UGGT2: variants seen among roughly 807,000 people sequenced by gnomAD.
UGGT2 encodes UDP-glucose:glycoprotein glucosyltransferase 2.
UGGT2 carries 180 observed loss-of-function variants against 192.1 expected under a neutral mutation model. The observed-to-expected ratio is 0.94, with a 90% CI of 0.83 to 1.06. The LOEUF (loss-of-function observed/expected upper bound fraction) is 1.06. UGGT2 is among the 50% of genes least tolerant of loss of function. The pLI is 0.00. For synonymous variants in UGGT2, 580 were observed against 591.0 expected (o/e 0.98, Z 0.27); for missense variants, 1,849 against 1,795.7 (o/e 1.03, Z -0.54).
chr13:95,879,275 A>ATATT (rs2047424991), intron 27 of UGGT2, among the ~76,000 whole-genome samples: 1 of 152,194 alleles, frequency 6.6e-6, no homozygotes, highest in Admixed American at 6.5e-5. Context: ...TTGTTCCTAT[A>ATATT]TATTTATATA....
rs189882040 is a variant in UGGT2 at position 95,880,957 on chromosome 13, A to C, written c.3229-3101T>G. ...TGGGAGGCCGAGGTGGGTGGATCAC[A>C]AGGTCAGGAGATCAAGACCATCCTG... is the stretch of plus-strand genomic sequence containing the variant. On this transcript the variant is annotated intron_variant, in intron 27 of 38. Transcript: ENST00000376747. Among the ~76,000 whole-genome samples the C allele has an allele frequency of 2.3e-3, 350 of 152,188 alleles. 4 individuals carry two copies. The highest frequency in any genetic ancestry group is 8.0e-3 in the African/African-American group (331 of 41,534).
chr13:95,893,688 T>C (rs2047867430), intron 24 of UGGT2, among the ~76,000 whole-genome samples: 1 of 152,186 alleles, frequency 6.6e-6, no homozygotes, highest in Admixed American at 6.5e-5. Flanking sequence ...ATGGTATTTC[T>C]AGAGAAAATT....
intron 5 of UGGT2, among the ~76,000 whole-genome samples, chr13:96,009,159 A>G (rs1002143600): frequency 7.9e-5 from 12 of 152,042 alleles, no homozygotes; most frequent in African/African-American, 2.7e-4. Flanking sequence ...CTGAAACTGG[A>G]CTCCTTCATT....
intron 33 of UGGT2, among the ~76,000 whole-genome samples, chr13:95,857,553 CTT>C (rs1181781131): frequency 2.0e-5 from 3 of 152,110 alleles, no homozygotes; most frequent in Non-Finnish European, 4.4e-5. Flanking sequence ...GGAGGTTTGA[CTT>C]TTCTAAACTG....
intron 26 of UGGT2, among the ~76,000 whole-genome samples, chr13:95,886,192 A>T (rs1271003910): frequency 6.6e-6 from 1 of 152,192 alleles, no homozygotes; most frequent in African/African-American, 2.4e-5. Flanking sequence ...GAGGAAGTAT[A>T]GCAGTTAAGA....
chr13:95,919,866 T>C (rs1202121294), intron 20 of UGGT2, among the ~76,000 whole-genome samples: 1 of 152,168 alleles, frequency 6.6e-6, no homozygotes, highest in Non-Finnish European at 1.5e-5. Context: ...TTAAAATTCA[T>C]ATGGAACCAA....
At chr13:95,897,725 C>T (rs1233325470) in intron 22 of UGGT2, among the ~76,000 whole-genome samples, 1 of 152,148 alleles carries the variant, frequency 6.6e-6, no homozygotes, top group East Asian at 1.9e-4. Context: ...AAACCACAGA[C>T]TTATTTTCCA....
intron 17 of UGGT2, among the ~76,000 whole-genome samples, chr13:95,929,701 C>T (rs1392479166): frequency 6.6e-6 from 1 of 152,204 alleles, no homozygotes; most frequent in Admixed American, 6.5e-5. Context: ...CTGATGGACA[C>T]CTAGGCTGAT....
Position 95,855,020 on chromosome 13 carries a change from GA to G in UGGT2, c.4009-546del, listed in dbSNP as rs371862930. On this transcript the variant is annotated intron_variant, in intron 34 of 38. Transcript: ENST00000376747. ...AAAGGTAGGAGAAAGAATCATATTAGATATTATGTGTGGGGCTCAGATGGGA... is the reference window on the plus strand; with the variant it reads ...AAAGGTAGGAGAAAGAATCATATTAGTATTATGTGTGGGGCTCAGATGGGA... Among the ~76,000 whole-genome samples, 342 of 142,424 alleles carry G rather than the reference GA, an allele frequency of 2.4e-3. 1 individual carries two copies. Among genetic ancestry groups the G allele is most frequent in the African/African-American group, 8.5e-3 (329 of 38,780 alleles). The allele number at this position is 142,424 out of a possible 152,430, so 93.4% of individuals were successfully genotyped here. A position where few individuals can be genotyped will look rare whatever the true frequency, so the allele number is the denominator to read the frequency against.
chr13:96,052,676 G>T (rs1227045873), intron 1 of UGGT2, among the ~76,000 whole-genome samples: 4 of 152,202 alleles, frequency 2.6e-5, no homozygotes, highest in Non-Finnish European at 5.9e-5. Flanking sequence ...GTTTTGTTCT[G>T]CAGAGTAAAT....
At chr13:95,812,100 C>A (rs916684009) in intron 38 of UGGT2, among the ~76,000 whole-genome samples, 2 of 152,102 alleles carry the variant, frequency 1.3e-5, no homozygotes, top group African/African-American at 4.8e-5. Flanking sequence ...TAGTTGTGGA[C>A]TGTGTAATCT....
intron 21 of UGGT2, among the ~76,000 whole-genome samples, chr13:95,902,278 G>A (rs2048125272): frequency 6.6e-6 from 1 of 151,652 alleles, no homozygotes; most frequent in African/African-American, 2.4e-5. Context: ...TTTTGTCCTC[G>A]ACCCTTTAAA....
chr13:95,877,982 T>A (rs752459836), intron 27 of UGGT2, 126 bp from the exon 28 acceptor site: 275 of 914,800 alleles, frequency 3.0e-4, no homozygotes, highest in Non-Finnish European at 3.6e-4. Context: ...TAAGTCTTTA[T>A]TTTACACATG....
chr13:95,813,875 T>C (rs1884690002), intron 38 of UGGT2, among the ~76,000 whole-genome samples: 1 of 152,156 alleles, frequency 6.6e-6, no homozygotes, highest in African/African-American at 2.4e-5. Context: ...CCACTCTGGC[T>C]CCAGCATCGG....
chr13:95,841,555 C>A (rs78277493), intron 36 of UGGT2, among the ~76,000 whole-genome samples: 247 of 152,282 alleles, frequency 1.6e-3, no homozygotes, highest in African/African-American at 5.5e-3. Flanking sequence ...AGCCAGATTG[C>A]CCTCACATCC....
chr13:95,933,076 G>T (rs938276940), intron 17 of UGGT2, among the ~76,000 whole-genome samples: 1 of 152,110 alleles, frequency 6.6e-6, no homozygotes, highest in Non-Finnish European at 1.5e-5. Flanking sequence ...TTGGTATCAG[G>T]ATAACACAGG....
intron 20 of UGGT2, among the ~76,000 whole-genome samples, chr13:95,917,560 C>A (rs894714675): frequency 6.6e-6 from 1 of 152,072 alleles, no homozygotes; most frequent in Non-Finnish European, 1.5e-5. Flanking sequence ...TCACACATAA[C>A]AATACTAACC....
chr13:96,014,376 G>A (rs2052261347), intron 4 of UGGT2, among the ~76,000 whole-genome samples: 1 of 152,168 alleles, frequency 6.6e-6, no homozygotes, highest in Non-Finnish European at 1.5e-5. Flanking sequence ...AAAAGAAGGT[G>A]GGTTTTGAGA....
At chr13:95,828,727 T>G (rs1193278471) in intron 38 of UGGT2, among the ~76,000 whole-genome samples, 1 of 152,148 alleles carries the variant, frequency 6.6e-6, no homozygotes, top group African/African-American at 2.4e-5. Flanking sequence ...CACAGTCCTA[T>G]TCTACCAGAG....
Sources: allele counts gnomAD v4.1 joint callset (sites outside exome capture counted in the v4.1 genomes callset), GRCh38; gene constraint gnomAD v4.1.1; transcripts MANE v1.5; gene names NCBI Gene and HGNC (gene_info 2026-07-23, HGNC 2026-07-21).